Variants in ATP2C2 observed in about 807,000 individuals in gnomAD.
ATP2C2 encodes the protein ATPase secretory pathway Ca2+ transporting 2.
A neutral mutation model predicts 110.8 loss-of-function variants in ATP2C2; 171 were observed. The ratio of observed to expected loss-of-function variants is 1.54; its 90% CI spans 1.36 to 1.75. The LOEUF (loss-of-function observed/expected upper bound fraction) is 1.75, where lower values mean the gene tolerates loss of function less well. Among genes scored for constraint, ATP2C2 ranks in the 40% most tolerant of loss-of-function variants. The pLI, the probability that ATP2C2 is intolerant of heterozygous loss-of-function variation, is 0.00. For missense variants in ATP2C2, 1,963 were observed against 1,235.0 expected, an observed-to-expected ratio of 1.59 and a Z score of -8.84; for synonymous variants, 804 against 508.4, an observed-to-expected ratio of 1.58 and a Z score of -7.82.
intron 24 of ATP2C2, 166 bp downstream of exon 24, chr16:84,460,967 G>A (rs910731587): frequency 2.0e-6 from 2 of 1,022,476 alleles, no homozygotes; most frequent in East Asian, 5.3e-5. Context: ...GAGGCAAAGG[G>A]ACTGGGTGAC....
intron 10 of ATP2C2, 47 bp from the exon 11 acceptor site, chr16:84,425,688 C>T (rs372486325): frequency 1.9e-6 from 3 of 1,583,458 alleles, no homozygotes; most frequent in Middle Eastern, 1.7e-4. Flanking sequence ...CAGGCATCAG[C>T]GTGTGTAGTG....
At chr16:84,423,289 G>C in intron 10 of ATP2C2, 26 bp downstream of exon 10, 1 of 1,604,500 alleles carries the variant, frequency 6.2e-7, no homozygotes, top group Non-Finnish European at 8.5e-7. Flanking sequence ...TCCATACTGG[G>C]TTTGTTCTGC....
intron 24 of ATP2C2, 49 bp downstream of exon 24, chr16:84,460,850 G>T (rs371547493): frequency 2.6e-6 from 4 of 1,558,536 alleles, no homozygotes; most frequent in African/African-American, 1.4e-5. Context: ...GTGCGGTGCA[G>T]ACGCTGGGGA....
At chr16:84,425,448 C>G (rs1322067629) in intron 10 of ATP2C2, among the ~76,000 whole-genome samples, 1 of 152,158 alleles carries the variant, frequency 6.6e-6, no homozygotes, top group Non-Finnish European at 1.5e-5. Flanking sequence ...CGACGGTAAA[C>G]TTTGGGAATA....
At chr16:84,376,954 G>C (rs908685254) in intron 1 of ATP2C2, among the ~76,000 whole-genome samples, 1 of 152,238 alleles carries the variant, frequency 6.6e-6, no homozygotes, top group East Asian at 1.9e-4. Flanking sequence ...TGGACTGTCA[G>C]TGATTCTTCT....
chr16:84,437,428 C>G (rs1178318131), intron 11 of ATP2C2, among the ~76,000 whole-genome samples: 1 of 151,948 alleles, frequency 6.6e-6, no homozygotes. Context: ...CCAGGCTAGT[C>G]TTGAACTCTT....
intron 2 of ATP2C2, among the ~76,000 whole-genome samples, chr16:84,400,856 C>T (rs182821094): frequency 2.6e-5 from 4 of 152,170 alleles, no homozygotes; most frequent in African/African-American, 9.7e-5. Flanking sequence ...GTTTGCCATT[C>T]ATATGTCTTC....
At position 84,440,933 on chromosome 16, in the gene ATP2C2, A is replaced by T. The variant is rs374344981; in HGVS notation, c.1286A>T (p.Asn429Ile). The change falls in exon 14 of 27, where the codon AAT becomes ATT. Residue 429 changes from asparagine to isoleucine, a missense_variant. Asn to Ile is a moderately radical substitution (Grantham distance 149). Transcript: ENST00000262429. ...AAGGAAGTCATTAAGGAATTTTCCA[A>T]TGTCTCAGTGGGAAAGTTAGTGGAG... is the stretch of plus-strand genomic sequence containing the variant. ...PSKEVIKEFS[N>I]VSVGKLVEAG... 2.7e-5 allele frequency: 44 copies of T among 1,612,858 alleles called. No homozygotes were observed. The highest frequency in any genetic ancestry group is 3.6e-5 in the Non-Finnish European group (43 of 1,179,706).
At chr16:84,433,649 C>A (rs1327752069) in intron 11 of ATP2C2, among the ~76,000 whole-genome samples, 2 of 149,988 alleles carry the variant, frequency 1.3e-5, no homozygotes, top group Non-Finnish European at 3.0e-5. Context: ...AAGACTCCGT[C>A]TCAAAAACAA....
chr16:84,440,364 C>T (rs545356765), intron 13 of ATP2C2, among the ~76,000 whole-genome samples: 1 of 152,326 alleles, frequency 6.6e-6, no homozygotes, highest in African/African-American at 2.4e-5. Flanking sequence ...ACTGGCCAAA[C>T]CAAGGGGTGA....
At chr16:84,426,795 G>A (rs559139179) in intron 11 of ATP2C2, among the ~76,000 whole-genome samples, 13 of 152,298 alleles carry the variant, frequency 8.5e-5, no homozygotes, top group South Asian at 4.1e-4. Flanking sequence ...AAGGCCACAC[G>A]CGGACAGCAG....
intron 13 of ATP2C2, among the ~76,000 whole-genome samples, 151 bp from the exon 14 acceptor site, chr16:84,440,703 CAAT>C (rs1235131239): frequency 2.3e-4 from 35 of 152,218 alleles, no homozygotes; most frequent in African/African-American, 8.4e-4. Flanking sequence ...TCCAATTAAT[CAAT>C]AATCTTTCAG....
chr16:84,436,260 C>T (rs1177534848), intron 11 of ATP2C2, among the ~76,000 whole-genome samples: 2 of 152,354 alleles, frequency 1.3e-5, no homozygotes, highest in South Asian at 2.1e-4. Context: ...GGATTTCCAG[C>T]TTCTCTTGGG....
chr16:84,413,056 C>T (rs1203938332), intron 6 of ATP2C2, among the ~76,000 whole-genome samples: 3 of 151,184 alleles, frequency 2.0e-5, no homozygotes, highest in Non-Finnish European at 4.4e-5. Context: ...CAAGAGTGCT[C>T]CATTGTACTC....
chr16:84,368,601 C>A lies in ATP2C2; in HGVS notation c.-15C>A. The stretch of plus-strand genomic sequence containing the variant: ...GGGGACCTAGGGACGCAGGCAACGC[C>A]TGCGCCCGCTCACCATGGTCGAGGG... On this transcript the variant is annotated 5_prime_UTR_variant, in exon 1 of 27. The change creates a new upstream start codon in the 5' untranslated region. Transcript: ENST00000262429. 6.5e-7 allele frequency: 1 copy of A among 1,545,156 alleles called. No individual in the cohort carries two copies. The highest frequency in any genetic ancestry group is 8.7e-7 in the Non-Finnish European group (1 of 1,144,472).
chr16:84,441,052 G>T (rs1265372967), intron 14 of ATP2C2, 94 bp downstream of exon 14: 1 of 1,107,198 alleles, frequency 9.0e-7, no homozygotes, highest in African/African-American at 1.5e-5. Flanking sequence ...GAACCTACTG[G>T]TTCTTGACAA....
intron 20 of ATP2C2, 105 bp from the exon 21 acceptor site, chr16:84,454,713 T>G (rs943905160): frequency 1.2e-5 from 14 of 1,208,470 alleles, no homozygotes; most frequent in Admixed American, 6.9e-5. Context: ...GAATTCCGGG[T>G]GCCCTCCAGA....
At position 84,439,265 on chromosome 16, in the gene ATP2C2, G is replaced by A. The variant is rs763539539; in HGVS notation, c.1086G>A (p.Lys362=). Residue 362 remains lysine, a synonymous_variant, in exon 12 of 27, where the codon AAG becomes AAA. Coordinates refer to ENST00000262429, the MANE Select transcript of ATP2C2 (RefSeq NM_014861.4). ...TGGCCAAGAAGCGGGTCATCGTGAAGAAGTTACCCATCGTGGAGACTTTAG... is the reference window on the plus strand; with the variant it reads ...TGGCCAAGAAGCGGGTCATCGTGAAAAAGTTACCCATCGTGGAGACTTTAG... ...LRMAKKRVIV[K]KLPIVETLGC... 5.6e-6 allele frequency: 9 copies of A among 1,612,622 alleles called. No homozygotes were observed. The highest frequency in any genetic ancestry group is 7.6e-6 in the Non-Finnish European group (9 of 1,180,040).
intron 24 of ATP2C2, 106 bp downstream of exon 24, chr16:84,460,907 A>G: frequency 1.4e-6 from 2 of 1,397,270 alleles, no homozygotes; most frequent in Middle Eastern, 4.5e-4. Flanking sequence ...GGAGAGGCAA[A>G]CATGTACACA....
Sources: gnomAD v4.1 joint callset for allele counts (sites outside exome capture counted in the v4.1 genomes callset) on GRCh38, gnomAD v4.1.1 for gene constraint, MANE v1.5 for transcripts, NCBI Gene and HGNC (gene_info 2026-07-23, HGNC 2026-07-21) for gene names.